The following DENND5B variants were observed in gnomAD, a reference collection of about 807,000 sequenced individuals.
The protein encoded by DENND5B is DENN domain containing 5B.
In DENND5B, 34 loss-of-function variants were observed where a neutral mutation model predicts 140.6. The observed-to-expected ratio is 0.24, with a 90% CI of 0.18 to 0.32. The LOEUF (loss-of-function observed/expected upper bound fraction) is 0.32. Among genes scored for constraint, DENND5B ranks in the 10% least tolerant of loss-of-function variants. The pLI, the probability that DENND5B is intolerant of heterozygous loss-of-function variation, is 1.00. For missense variants in DENND5B, 1,142 were observed against 1,560.2 expected, an observed-to-expected ratio of 0.73 and a Z score of 4.52; for synonymous variants, 551 against 562.1, an observed-to-expected ratio of 0.98 and a Z score of 0.28.
chr12:31,587,021 C>G (rs1240885906), intron 1 of DENND5B, among the ~76,000 whole-genome samples: 1 of 152,142 alleles, frequency 6.6e-6, no homozygotes, highest in Non-Finnish European at 1.5e-5. Context: ...GTTTTCCTGC[C>G]ATGTCACTAT....
intron 2 of DENND5B, among the ~76,000 whole-genome samples, chr12:31,484,219 C>T (rs1364613057): frequency 6.6e-6 from 1 of 152,150 alleles, no homozygotes; most frequent in Non-Finnish European, 1.5e-5. Flanking sequence ...ACAACATCGA[C>T]AATGCATTTG....
intron 11 of DENND5B, among the ~76,000 whole-genome samples, chr12:31,418,962 G>C (rs1265790448): frequency 6.6e-6 from 1 of 152,136 alleles, no homozygotes; most frequent in African/African-American, 2.4e-5. Context: ...AAACCACACA[G>C]TTTGTGGTAC....
intron 1 of DENND5B, among the ~76,000 whole-genome samples, chr12:31,574,483 G>C (rs1201416822): frequency 6.6e-6 from 1 of 151,848 alleles, no homozygotes; most frequent in South Asian, 2.1e-4. Context: ...CCAGCTACTC[G>C]AGAGGCTGAG....
chr12:31,386,639 G>C lies in DENND5B; in HGVS notation c.*964C>G, dbSNP rs1432906772. 6.6e-6 allele frequency: 1 copy of C among 152,246 alleles called. No individual in the cohort carries two copies. Among genetic ancestry groups the C allele is most frequent in the African/African-American group, 2.4e-5 (1 of 41,444 alleles). 9.4% of individuals were successfully genotyped at this position (152,246 alleles called of 1,614,324 possible). ...TAGACATTCCTTCCATTTCCCGAGGGGGGATGGGCCCTGGAGAGGTGGGTG... is the reference window on the plus strand; with the variant it reads ...TAGACATTCCTTCCATTTCCCGAGGCGGGATGGGCCCTGGAGAGGTGGGTG... On this transcript the variant is annotated 3_prime_UTR_variant, in exon 21 of 21. Transcript: ENST00000389082.
Position 31,442,759 on chromosome 12 carries a change from T to C in DENND5B, c.2012+16A>G. On this transcript the variant is annotated intron_variant, in intron 7 of 20. Transcript: ENST00000389082. ...TCATTCCTTCAACCAACTACTCAAG[T>C]GAAGAACATGCTTACTTGTTACTGG... 2 of 1,609,638 alleles carry C rather than the reference T, an allele frequency of 1.2e-6. No homozygotes were observed. The highest frequency in any genetic ancestry group is 1.1e-5 in the South Asian group (1 of 90,144).
chr12:31,431,105 T>C (rs1242685341), intron 8 of DENND5B, among the ~76,000 whole-genome samples: 1 of 152,228 alleles, frequency 6.6e-6, no homozygotes, highest in Non-Finnish European at 1.5e-5. Flanking sequence ...ACCCCAGATT[T>C]CTTCTGAGAT....
chr12:31,437,706 C>T (rs1286515063), intron 7 of DENND5B, among the ~76,000 whole-genome samples: 4 of 151,936 alleles, frequency 2.6e-5, no homozygotes, highest in African/African-American at 7.3e-5. Context: ...TCAAAACAAC[C>T]GAAATGTTCA....
chr12:31,496,536 C>T (rs1373210141), intron 1 of DENND5B, among the ~76,000 whole-genome samples: 2 of 152,098 alleles, frequency 1.3e-5, no homozygotes, highest in African/African-American at 4.8e-5. Context: ...TGGCAAAATT[C>T]TGGAAACATA....
chr12:31,434,817 A>C (rs1943668124), intron 7 of DENND5B, among the ~76,000 whole-genome samples: 1 of 152,146 alleles, frequency 6.6e-6, no homozygotes. Context: ...CGCAACCAGG[A>C]CATCACACTA....
At position 31,562,200 on chromosome 12, in the gene DENND5B, C is replaced by A. The variant is rs2139334732; in HGVS notation, c.127+28506G>T. Among the ~76,000 whole-genome samples, 2 of 152,246 alleles carry A rather than the reference C, an allele frequency of 1.3e-5. 1 individual carries two copies. The highest frequency in any genetic ancestry group is 4.8e-5 in the African/African-American group (2 of 41,558). ...AATCATATTAATACTATCTGGCCAGCCCTACCTCATTACCACCCAAAAGTC... is the reference window on the plus strand; with the variant it reads ...AATCATATTAATACTATCTGGCCAGACCTACCTCATTACCACCCAAAAGTC... On this transcript the variant is annotated intron_variant, in intron 1 of 20. Coordinates refer to ENST00000389082, the MANE Select transcript of DENND5B (RefSeq NM_144973.4).
intron 4 of DENND5B, among the ~76,000 whole-genome samples, chr12:31,457,732 G>A: frequency 8.6e-6 from 1 of 116,028 alleles, no homozygotes; most frequent in South Asian, 2.6e-4. Flanking sequence ...TTTTTTTTTT[G>A]AGATGGAGTC....
intron 1 of DENND5B, among the ~76,000 whole-genome samples, chr12:31,516,043 T>C (rs756257770): frequency 2.6e-4 from 39 of 152,328 alleles, no homozygotes; most frequent in Non-Finnish European, 4.9e-4. Context: ...CACGTAGATG[T>C]ATGGGTATGA....
intron 1 of DENND5B, among the ~76,000 whole-genome samples, chr12:31,522,146 G>A (rs4931511): frequency 0.42 from 64,207 of 151,978 alleles, 13,977 homozygotes; most frequent in Admixed American, 0.57. Flanking sequence ...ATCTGCTCAT[G>A]GTGCAGAGTT....
At chr12:31,422,029 A>T (rs866184570) in intron 11 of DENND5B, among the ~76,000 whole-genome samples, 1 of 152,170 alleles carries the variant, frequency 6.6e-6, no homozygotes, top group Non-Finnish European at 1.5e-5. Flanking sequence ...CTGTCTGATT[A>T]AATACATTTA....
intron 1 of DENND5B, among the ~76,000 whole-genome samples, chr12:31,556,389 A>C (rs1949282414): frequency 6.6e-6 from 1 of 152,050 alleles, no homozygotes; most frequent in Non-Finnish European, 1.5e-5. Context: ...TTTAGTAGAG[A>C]TAGGGTTTCA....
intron 20 of DENND5B, among the ~76,000 whole-genome samples, chr12:31,388,796 C>T (rs1940978630): frequency 6.6e-6 from 1 of 151,954 alleles, no homozygotes; most frequent in African/African-American, 2.4e-5. Context: ...AGCAAGAATC[C>T]CATAATGTTA....
chr12:31,563,574 C>A (rs569729246), intron 1 of DENND5B, among the ~76,000 whole-genome samples: 4 of 152,246 alleles, frequency 2.6e-5, no homozygotes, highest in African/African-American at 9.6e-5. Context: ...AGCAGTCTTA[C>A]GAACTTTGAG....
intron 20 of DENND5B, 134 bp downstream of exon 20, chr12:31,389,190 C>T: frequency 1.2e-6 from 1 of 843,104 alleles, no homozygotes; most frequent in Non-Finnish European, 1.7e-6. Context: ...GAGTGAGACT[C>T]TGTTTCAAAA....
chr12:31,451,105 C>A (rs532072220), intron 5 of DENND5B, among the ~76,000 whole-genome samples: 1 of 152,150 alleles, frequency 6.6e-6, no homozygotes, highest in South Asian at 2.1e-4. Context: ...CTTCTGAAAC[C>A]AAACTGTTAA....
Sources: allele counts gnomAD v4.1 joint callset (sites outside exome capture counted in the v4.1 genomes callset), GRCh38; gene constraint gnomAD v4.1.1; transcripts MANE v1.5; gene names NCBI Gene and HGNC (gene_info 2026-07-23, HGNC 2026-07-21).